Variants in EPS15 observed in about 807,000 individuals in gnomAD.
EPS15 encodes the protein epidermal growth factor receptor pathway substrate 15, also known as epidermal growth factor receptor substrate 15.
In EPS15, 72 loss-of-function variants were observed where a neutral mutation model predicts 113.8. That is an observed-to-expected ratio of 0.63 (90% CI 0.52 to 0.77). The LOEUF (loss-of-function observed/expected upper bound fraction) is 0.77. Among genes scored for constraint, EPS15 ranks in the 30% least tolerant of loss-of-function variants. EPS15 has a pLI of 0.00. For missense variants in EPS15, 1,048 were observed against 1,045.8 expected (o/e 1.00, Z -0.03); for synonymous variants, 344 against 363.4 (o/e 0.95, Z 0.61).
chr1:51,468,350 C>A, intron 5 of EPS15, 123 bp downstream of exon 5: 1 of 735,858 alleles, frequency 1.4e-6, no homozygotes, highest in South Asian at 1.6e-5. Context: ...GGGAAAAAAG[C>A]CAAGTAGCTG....
intron 1 of EPS15, among the ~76,000 whole-genome samples, chr1:51,508,780 C>CA (rs980551850): frequency 9.9e-5 from 15 of 151,292 alleles, no homozygotes; most frequent in African/African-American, 2.4e-4. Context: ...TCCTTTATTA[C>CA]AAAAAAAAGA....
At chr1:51,460,270 C>A (rs1472773882) in intron 8 of EPS15, among the ~76,000 whole-genome samples, 1 of 152,184 alleles carries the variant, frequency 6.6e-6, no homozygotes. Flanking sequence ...GATGAATTCA[C>A]AGCAAAGTTT....
intron 1 of EPS15, among the ~76,000 whole-genome samples, chr1:51,510,700 A>G (rs1644603962): frequency 6.6e-6 from 1 of 152,196 alleles, no homozygotes; most frequent in Non-Finnish European, 1.5e-5. Flanking sequence ...CATAAAATTA[A>G]GTTCACAATT....
At chr1:51,420,664 T>G (rs1341898275) in intron 13 of EPS15, among the ~76,000 whole-genome samples, 1 of 152,168 alleles carries the variant, frequency 6.6e-6, no homozygotes, top group African/African-American at 2.4e-5. Context: ...GAGAGAGAAT[T>G]ATATTGATGA....
At chr1:51,413,240 G>A (rs527407362) in intron 13 of EPS15, among the ~76,000 whole-genome samples, 3 of 152,172 alleles carry the variant, frequency 2.0e-5, no homozygotes, top group South Asian at 2.1e-4. Flanking sequence ...ATTTAATCTC[G>A]TCTGACTCAT....
intron 13 of EPS15, among the ~76,000 whole-genome samples, chr1:51,410,735 T>A (rs1217942127): frequency 6.6e-6 from 1 of 152,174 alleles, no homozygotes; most frequent in Non-Finnish European, 1.5e-5. Context: ...GTCCCAACAG[T>A]CATTCACCAG....
chr1:51,489,303 A>ATATATATATATATG (rs1360006242), intron 1 of EPS15, among the ~76,000 whole-genome samples: 4 of 140,038 alleles, frequency 2.9e-5, no homozygotes, highest in African/African-American at 1.1e-4. Flanking sequence ...ATATATATAT[A>ATATATATATATATG]TATGTATGTA....
At chr1:51,473,454 A>C (rs903861168) in intron 2 of EPS15, among the ~76,000 whole-genome samples, 2 of 152,208 alleles carry the variant, frequency 1.3e-5, no homozygotes, top group Non-Finnish European at 2.9e-5. Flanking sequence ...TAAAACCAGC[A>C]GTGATTCCAA....
chr1:51,381,409 A>G (rs969257114), intron 21 of EPS15, among the ~76,000 whole-genome samples: 7 of 152,158 alleles, frequency 4.6e-5, no homozygotes, highest in African/African-American at 1.4e-4. Context: ...CCTGGCCAAC[A>G]TGGTGAAACC....
rs1361554590 is a variant in EPS15, at chr1:51,468,462, G to A, written c.309+11C>T. On this transcript the variant is annotated intron_variant, in intron 5 of 24. Transcript: ENST00000371733. ...AATTAAATACAATTTAAATCTAAAA[G>A]CATTTCTTACAAATCTTGGTGGAGG... is the stretch of plus-strand genomic sequence containing the variant. 3.9e-6 allele frequency: 6 copies of A among 1,541,166 alleles called. No homozygotes were observed. Among genetic ancestry groups the A allele is most frequent in the Non-Finnish European group, 5.4e-6 (6 of 1,113,638 alleles).
chr1:51,453,251 T>C (rs1653721094), intron 8 of EPS15, among the ~76,000 whole-genome samples: 1 of 152,106 alleles, frequency 6.6e-6, no homozygotes, highest in African/African-American at 2.4e-5. Context: ...AAGTGGACAC[T>C]AGAAGCGAAA....
chr1:51,414,536 G>A (rs925047085), intron 13 of EPS15, among the ~76,000 whole-genome samples: 5 of 152,014 alleles, frequency 3.3e-5, no homozygotes, highest in African/African-American at 1.2e-4. Flanking sequence ...AAATCCTAGA[G>A]GGAAAAAAGT....
Position 51,363,942 on chromosome 1 carries a change from C to T in EPS15, c.2283G>A (p.Ser761=), listed in dbSNP as rs147463788. The change falls in exon 23 of 25, where the codon TCG becomes TCA. Residue 761 remains serine, a synonymous_variant. Transcript: ENST00000371733. Reference sequence around the variant, plus strand: ...CTGGGGGTTCATCTTCACTTTTGACCGATGTTTCCTCAAATACATTTTTTG... The same window carrying T: ...CTGGGGGTTCATCTTCACTTTTGACTGATGTTTCCTCAAATACATTTTTTG... ...VITKNVFEET[S]VKSEDEPPAL... 204 of 1,613,620 alleles carry T rather than the reference C, an allele frequency of 1.3e-4. No homozygotes were observed. Among genetic ancestry groups the T allele is most frequent in the Non-Finnish European group, 1.3e-4 (149 of 1,179,840 alleles).
intron 23 of EPS15, among the ~76,000 whole-genome samples, chr1:51,363,550 T>C (rs1226635885): frequency 6.6e-6 from 1 of 152,156 alleles, no homozygotes; most frequent in Non-Finnish European, 1.5e-5. Context: ...GGATAATCAA[T>C]GAGTTTCCAA....
At chr1:51,361,976 TA>T (rs1349367094) in intron 23 of EPS15, among the ~76,000 whole-genome samples, 3 of 152,234 alleles carry the variant, frequency 2.0e-5, no homozygotes, top group African/African-American at 7.2e-5. Context: ...GCTGATCAAA[TA>T]ATCTCTGACC....
chr1:51,371,648 T>C (rs1646657933), intron 21 of EPS15, among the ~76,000 whole-genome samples: 1 of 152,136 alleles, frequency 6.6e-6, no homozygotes, highest in Admixed American at 6.6e-5. Flanking sequence ...TTTTTTAAAG[T>C]TTTAGAAAGT....
At chr1:51,453,723 T>C (rs915871662) in intron 8 of EPS15, among the ~76,000 whole-genome samples, 29 of 152,014 alleles carry the variant, frequency 1.9e-4, no homozygotes, top group Admixed American at 1.8e-3. Context: ...GGATTTAATT[T>C]TACTGTTGCA....
At chr1:51,491,579 T>A (rs1474149976) in intron 1 of EPS15, among the ~76,000 whole-genome samples, 1 of 151,978 alleles carries the variant, frequency 6.6e-6, no homozygotes. Context: ...TAAGGAGCAA[T>A]AGTGATTAAC....
At chr1:51,451,490 C>CAAAAA (rs56091976) in intron 8 of EPS15, among the ~76,000 whole-genome samples, 49 of 50,290 alleles carry the variant, frequency 9.7e-4, no homozygotes, top group Non-Finnish European at 1.3e-3. Context: ...GACTCCATCT[C>CAAAAA]AAAAAAAAAA....
Sources: allele counts gnomAD v4.1 joint callset (sites outside exome capture counted in the v4.1 genomes callset), GRCh38; gene constraint gnomAD v4.1.1; transcripts MANE v1.5; gene names NCBI Gene and HGNC (gene_info 2026-07-23, HGNC 2026-07-21).